Variants in ZBTB25 observed in about 807,000 individuals in gnomAD.
ZBTB25 encodes the protein zinc finger and BTB domain containing 25.
In ZBTB25, 20 loss-of-function variants were observed where a neutral mutation model predicts 34.2. The observed-to-expected ratio is 0.58, with a 90% CI of 0.41 to 0.85. ZBTB25 has a LOEUF of 0.85. Ranked by LOEUF, ZBTB25 falls within the 40% of genes least tolerant of loss-of-function variation. The probability of loss-of-function intolerance (pLI) is 0.00; values close to 1 mark genes in which losing one functional copy is unlikely to be tolerated. For missense variants in ZBTB25, 437 were observed against 521.8 expected (o/e 0.84, Z 1.58); for synonymous variants, 175 against 186.4 (o/e 0.94, Z 0.50).
At chr14:64,460,325 T>G (rs917595590) in intron 2 of ZBTB25, 1 of 187,966 alleles carries the variant, frequency 5.3e-6, no homozygotes, top group African/African-American at 2.3e-5. Context: ...CTGAACTTCC[T>G]TGGAATTCCC....
intron 2 of ZBTB25, chr14:64,467,195 CTT>C (rs1409339650): frequency 1.3e-5 from 2 of 152,192 alleles, no homozygotes; most frequent in Non-Finnish European, 2.9e-5. Flanking sequence ...AGAACATAAG[CTT>C]TAAGCAACAA....
At chr14:64,504,680 G>A, upstream of ZBTB25, 1 of 357,492 alleles carries the variant, frequency 2.8e-6, no homozygotes. Context: ...ACGCCGCAGC[G>A]AACTGGTGGG....
rs577282533 is a variant in ZBTB25, at chr14:64,457,832, C to T, written c.174-8194G>A. On this transcript the variant is annotated intron_variant, in intron 2 of 2. Coordinates refer to the ZBTB25 transcript ENST00000555220. The stretch of plus-strand genomic sequence containing the variant: ...GTAACAAGAGTACCCACTTTATTGA[C>T]AACTATAAAATGATGTTCTATCTTT... Among the ~76,000 whole-genome samples, 7 of 152,266 alleles carry T rather than the reference C, an allele frequency of 4.6e-5. No individual in the cohort carries two copies. The South Asian group carries it at 1.2e-3, about 27-fold the overall frequency.
intron 1 of ZBTB25, among the ~76,000 whole-genome samples, chr14:64,498,178 T>C (rs1453524706): frequency 1.3e-5 from 2 of 152,264 alleles, no homozygotes; most frequent in African/African-American, 4.8e-5. Context: ...GAAATCATTT[T>C]ATCCTGAAAC....
At position 64,486,826 on chromosome 14, in the gene ZBTB25, G is replaced by C; in HGVS notation, c.*97C>G. 3 of 1,456,226 alleles carry C rather than the reference G, an allele frequency of 2.1e-6. No homozygotes were observed. Among genetic ancestry groups the C allele is most frequent in the Non-Finnish European group, 2.7e-6 (3 of 1,107,634 alleles). 90.2% of individuals were successfully genotyped at this position (1,456,226 alleles called of 1,614,324 possible). On this transcript the variant is annotated 3_prime_UTR_variant, in exon 3 of 3. Coordinates refer to ENST00000608382, the MANE Select transcript of ZBTB25 (RefSeq NM_006977.5). ...CATGGATAAGCTGTGAAGAAAAAAA[G>C]TCAATGAAACTTGAGGAGGAAAATA...
At chr14:64,503,253 A>T (rs1030963588) in intron 1 of ZBTB25, 52 of 985,356 alleles carry the variant, frequency 5.3e-5, no homozygotes, top group Non-Finnish European at 6.1e-5. Flanking sequence ...CAGTAGCCGC[A>T]GCGTCCTCCC....
Position 64,490,441 on chromosome 14 carries a change from T to A in ZBTB25, c.93A>T (p.Gly31=). The stretch of plus-strand genomic sequence containing the variant: ...CTCTGTGGGCTTTGAAGTAAACATC[T>A]CCAATTGCAACTGTGCAATCACACA... ...GFLCDCTVAI[G]DVYFKAHRAV... The change falls in exon 2 of 3, where the codon GGA becomes GGT. Residue 31 remains glycine (G), a synonymous_variant. Coordinates refer to ENST00000608382, the MANE Select transcript of ZBTB25 (RefSeq NM_006977.5). 6.2e-7 allele frequency: 1 copy of A among 1,613,952 alleles called. No individual in the cohort carries two copies. The highest frequency in any genetic ancestry group is 8.5e-7 in the Non-Finnish European group (1 of 1,179,912).
rs765288214 is a variant in ZBTB25, at chr14:64,482,255, A to G, written c.*4668T>C. On this transcript the variant is annotated 3_prime_UTR_variant, in exon 3 of 3. Coordinates refer to ENST00000608382, the MANE Select transcript of ZBTB25 (RefSeq NM_006977.5). ...ATCACAAGGTCAGGAGTTCGAAACC[A>G]GCCTTGCCAACATGATGAAACCCCA... 4 of 152,224 alleles carry G rather than the reference A, an allele frequency of 2.6e-5. No homozygotes were observed. Among genetic ancestry groups the G allele is most frequent in the Non-Finnish European group, 5.9e-5 (4 of 68,066 alleles). The allele number at this position is 152,224 out of a possible 1,614,324, so 9.4% of individuals were successfully genotyped here. A position where few individuals can be genotyped will look rare whatever the true frequency, so the allele number is the denominator to read the frequency against.
At chr14:64,454,996 C>A (rs151091838) in intron 2 of ZBTB25, 8 of 1,025,508 alleles carry the variant, frequency 7.8e-6, no homozygotes, top group African/African-American at 1.6e-5. Flanking sequence ...AAATTGGAAT[C>A]GGGCCTATTA....
At chr14:64,468,568 G>A (rs1340153214) in intron 2 of ZBTB25, 4 of 1,614,024 alleles carry the variant, frequency 2.5e-6, no homozygotes, top group Non-Finnish European at 3.4e-6. Context: ...CTGCTGATGT[G>A]GCAAGGAAGT....
chr14:64,502,440 A>G (rs868192090), intron 1 of ZBTB25: 1 of 159,750 alleles, frequency 6.3e-6, no homozygotes, highest in African/African-American at 2.4e-5. Flanking sequence ...AGATTGTTAA[A>G]GAAGACTTTG....
chr14:64,505,200 T>G (rs991234596), upstream of ZBTB25: 2 of 312,624 alleles, frequency 6.4e-6, no homozygotes, highest in South Asian at 1.6e-4. Flanking sequence ...GTTCCCAAAT[T>G]AGTTACCTTC....
Position 64,486,008 on chromosome 14 carries a change from GT to G in ZBTB25, c.*914del, listed in dbSNP as rs556687862. 5 of 983,522 alleles carry G rather than the reference GT, an allele frequency of 5.1e-6. No individual in the cohort carries two copies. The highest frequency in any genetic ancestry group is 9.4e-5 in the South Asian group (2 of 21,214). 60.9% of individuals were successfully genotyped at this position (983,522 alleles called of 1,614,324 possible). ...CTCTCTGACTCTTCTCCCTTTAACT[GT>G]TTTTTTTATTAAAAATGAGATATAC... On this transcript the variant is annotated 3_prime_UTR_variant, in exon 3 of 3. Transcript: ENST00000608382.
At chr14:64,502,550 TAC>T (rs2079531397) in intron 1 of ZBTB25, 1 of 813,838 alleles carries the variant, frequency 1.2e-6, no homozygotes, top group African/African-American at 1.9e-5. Flanking sequence ...GTTCCAAAAA[TAC>T]ACCATAGGCG....
chr14:64,474,710 G>C (rs753425774), downstream of ZBTB25, among the ~76,000 whole-genome samples: 2 of 152,182 alleles, frequency 1.3e-5, no homozygotes, highest in African/African-American at 2.4e-5. Context: ...AACTAATTCA[G>C]CCAAAAGGGC....
chr14:64,504,733 T>C (rs895354666), upstream of ZBTB25: 3 of 373,384 alleles, frequency 8.0e-6, no homozygotes, highest in African/African-American at 6.3e-5. Flanking sequence ...CTCAGTGCGG[T>C]GCGGCAGGCG....
At chr14:64,492,037 T>C (rs1384789054) in intron 1 of ZBTB25, among the ~76,000 whole-genome samples, 2 of 146,972 alleles carry the variant, frequency 1.4e-5, no homozygotes, top group African/African-American at 5.0e-5. Flanking sequence ...AGGATAGCTT[T>C]AGCCAGGAAG....
intron 2 of ZBTB25, among the ~76,000 whole-genome samples, chr14:64,463,640 AAG>A (rs1408235795): frequency 8.1e-5 from 11 of 135,634 alleles, no homozygotes; most frequent in African/African-American, 3.4e-4. Context: ...AAAAAAAAAA[AAG>A]AAGAAGAACC....
In ZBTB25 at chr14:64,456,332, G is replaced by A. The variant is rs147040021; in HGVS notation, c.174-6694C>T. Among the ~76,000 whole-genome samples, 678 of 152,310 alleles carry A rather than the reference G, an allele frequency of 4.5e-3. 6 individuals carry two copies. Among genetic ancestry groups the A allele is most frequent in the Middle Eastern group, 0.014 (4 of 292 alleles). ...ACTATTCTAACACCTTCCAGTTGCC[G>A]TTGGGGCCTTAACGAGACTCAGATT... On this transcript the variant is annotated intron_variant, in intron 2 of 2. Transcript: ENST00000555220.
Sources: gnomAD v4.1 joint callset for allele counts (sites outside exome capture counted in the v4.1 genomes callset) on GRCh38, gnomAD v4.1.1 for gene constraint, MANE v1.5 for transcripts, NCBI Gene and HGNC (gene_info 2026-07-23, HGNC 2026-07-21) for gene names.